MYO9A: variants seen among roughly 807,000 people sequenced by gnomAD.
MYO9A encodes the protein unconventional myosin-IXa.
MYO9A carries 103 observed loss-of-function variants against 293.3 expected under a neutral mutation model. The ratio of observed to expected loss-of-function variants is 0.35; its 90% confidence interval spans 0.30 to 0.41. MYO9A has a LOEUF of 0.41. Among genes scored for constraint, MYO9A ranks in the 10% least tolerant of loss-of-function variants. The probability of loss-of-function intolerance (pLI) is 1.00; values close to 1 mark genes in which losing one functional copy is unlikely to be tolerated. For synonymous variants in MYO9A, 1,001 were observed against 1,035.7 expected, an observed-to-expected ratio of 0.97 and a Z score of 0.64; for missense variants, 2,685 against 3,033.0, an observed-to-expected ratio of 0.89 and a Z score of 2.69.
chr15:71,832,793 A>G (rs1016798761), intron 39 of MYO9A, among the ~76,000 whole-genome samples: 5 of 152,256 alleles, frequency 3.3e-5, no homozygotes, highest in Non-Finnish European at 5.9e-5. Flanking sequence ...TGCATAAAAC[A>G]TAATAGCGAT....
intron 2 of MYO9A, among the ~76,000 whole-genome samples, chr15:72,033,617 A>G (rs1376556681): frequency 6.6e-6 from 1 of 152,246 alleles, no homozygotes; most frequent in Non-Finnish European, 1.5e-5. Flanking sequence ...GAAGCAGATC[A>G]GCGGTTATCT....
At position 71,854,585 on chromosome 15, in the gene MYO9A, T is replaced by G. The variant is rs767191570; in HGVS notation, c.6154-16A>C. 6.5e-7 allele frequency: 1 copy of G among 1,548,988 alleles called. No individual in the cohort carries two copies. The highest frequency in any genetic ancestry group is 8.7e-7 in the Non-Finnish European group (1 of 1,150,394). ...CTGGATCATACTAAATGAAAGATAA[T>G]TTTTAGTTTCCAAATGCATTCAAAC... is the stretch of plus-strand genomic sequence containing the variant. On this transcript the variant is annotated splice_polypyrimidine_tract_variant and intron_variant, in intron 34 of 41. Coordinates refer to ENST00000356056, the MANE Select transcript of MYO9A (RefSeq NM_006901.4).
At chr15:72,114,084 T>C (rs2080879429) in intron 1 of MYO9A, among the ~76,000 whole-genome samples, 1 of 152,180 alleles carries the variant, frequency 6.6e-6, no homozygotes, top group Non-Finnish European at 1.5e-5. Flanking sequence ...CTTTATTAGG[T>C]TCTTGTTCTT....
At chr15:71,994,405 G>T in intron 10 of MYO9A, 64 bp downstream of exon 10, 1 of 988,202 alleles carries the variant, frequency 1.0e-6, no homozygotes, top group Non-Finnish European at 1.5e-6. Context: ...TAAATTTCAT[G>T]TATTAACCAG....
intron 32 of MYO9A, among the ~76,000 whole-genome samples, chr15:71,868,482 T>C (rs1288466265): frequency 1.3e-5 from 2 of 152,186 alleles, no homozygotes; most frequent in Non-Finnish European, 2.9e-5. Context: ...CAAAATAAAC[T>C]GTTATGTTAA....
rs761134186 is a variant in MYO9A at position 71,881,609 on chromosome 15, TAATAA to T, written c.5399-1056_5399-1052del. ...TTAGCAAAGTCAGTATCTTTCTTAT[TAATAA>T]AATAAATGTTTACTAAAGAAATTAT... On this transcript the variant is annotated intron_variant, in intron 28 of 41. Transcript: ENST00000356056. 1.4e-4 allele frequency among the ~76,000 whole-genome samples: 22 copies of T among 152,318 alleles called. No individual in the cohort carries two copies. In the East Asian group the frequency reaches 2.3e-3, roughly 16 times the overall value.
chr15:71,845,087 T>TTAAG (rs1415205415), intron 39 of MYO9A, among the ~76,000 whole-genome samples: 1 of 152,210 alleles, frequency 6.6e-6, no homozygotes. Flanking sequence ...GTGCCTTTTG[T>TTAAG]TAAGTCACAA....
intron 1 of MYO9A, among the ~76,000 whole-genome samples, chr15:72,059,905 TA>T (rs1342876256): frequency 6.6e-6 from 1 of 152,232 alleles, no homozygotes; most frequent in Non-Finnish European, 1.5e-5. Context: ...CCACCTTTTA[TA>T]GGCACCCTGT....
At chr15:71,951,710 A>C (rs910134994) in intron 15 of MYO9A, 67 bp downstream of exon 15, 3 of 1,592,458 alleles carry the variant, frequency 1.9e-6, no homozygotes, top group Non-Finnish European at 2.6e-6. Flanking sequence ...ACCCTGGTGT[A>C]GGATGCTCCT....
At chr15:71,830,968 TCTTC>T (rs1434217244) in intron 39 of MYO9A, among the ~76,000 whole-genome samples, 4 of 149,446 alleles carry the variant, frequency 2.7e-5, no homozygotes, top group South Asian at 4.2e-4. Context: ...CATTGCTGCT[TCTTC>T]CTTTTTTTTT....
chr15:71,850,933 C>T lies in MYO9A; in HGVS notation c.6581+320G>A, dbSNP rs927905193. On this transcript the variant is annotated intron_variant, in intron 37 of 41. Transcript: ENST00000356056. ...CAATTCCTGAGAATGATCTGAACCC[C>T]TCATATGAATTAGGTCATTTCAATA... Among the ~76,000 whole-genome samples, 10 of 152,180 alleles carry T rather than the reference C, an allele frequency of 6.6e-5. No homozygotes were observed. The South Asian group carries it at 1.2e-3, about 19-fold the overall frequency.
At chr15:71,903,200 T>C (rs1211295755) in intron 21 of MYO9A, 137 bp from the exon 22 acceptor site, 2 of 713,428 alleles carry the variant, frequency 2.8e-6, no homozygotes, top group African/African-American at 1.9e-5. Flanking sequence ...TAATTTAAGA[T>C]ATGATAAAAG....
chr15:71,921,576 C>T (rs1372660856), intron 18 of MYO9A, among the ~76,000 whole-genome samples: 1 of 152,158 alleles, frequency 6.6e-6, no homozygotes, highest in African/African-American at 2.4e-5. Flanking sequence ...TGGCCTCCTA[C>T]TATATACTCA....
intron 2 of MYO9A, among the ~76,000 whole-genome samples, chr15:72,042,296 T>C (rs1377328516): frequency 1.3e-5 from 2 of 151,598 alleles, no homozygotes; most frequent in African/African-American, 2.4e-5. Context: ...GCCCAGGAGA[T>C]TGAGACCAGC....
intron 41 of MYO9A, 104 bp downstream of exon 41, chr15:71,827,779 GA>G (rs1437400084): frequency 1.6e-6 from 2 of 1,260,870 alleles, no homozygotes; most frequent in African/African-American, 3.0e-5. Flanking sequence ...TGTTATTGCT[GA>G]TGTACAGTCA....
intron 1 of MYO9A, among the ~76,000 whole-genome samples, chr15:72,095,208 A>C (rs1179996037): frequency 1.1e-5 from 1 of 93,074 alleles, no homozygotes; most frequent in African/African-American, 2.6e-5. Flanking sequence ...CAAGTTGTGA[A>C]TGCAAAGGAA....
chr15:71,912,914 T>C (rs2057903053), intron 19 of MYO9A, among the ~76,000 whole-genome samples: 1 of 152,142 alleles, frequency 6.6e-6, no homozygotes, highest in Non-Finnish European at 1.5e-5. Context: ...TTTAAGATGC[T>C]CTCTTTTTAA....
At chr15:72,103,491 A>C (rs544025163) in intron 1 of MYO9A, among the ~76,000 whole-genome samples, 27 of 150,434 alleles carry the variant, frequency 1.8e-4, no homozygotes, top group African/African-American at 6.1e-4. Flanking sequence ...AGCAGCGCAG[A>C]AGCAGAAGCA....
At chr15:71,865,440 T>A (rs530439089) in intron 32 of MYO9A, among the ~76,000 whole-genome samples, 2 of 152,350 alleles carry the variant, frequency 1.3e-5, no homozygotes, top group Admixed American at 1.3e-4. Context: ...TATGAAATGT[T>A]ATATATCCAT....
Sources: allele counts gnomAD v4.1 joint callset (sites outside exome capture counted in the v4.1 genomes callset), GRCh38; gene constraint gnomAD v4.1.1; transcripts MANE v1.5; gene names NCBI Gene and HGNC (gene_info 2026-07-23, HGNC 2026-07-21).